The following LVRN variants were observed in gnomAD, a reference collection of about 807,000 sequenced individuals.
The protein encoded by LVRN is laeverin, also known as aminopeptidase Q.
A neutral mutation model predicts 111.4 loss-of-function variants in LVRN; 99 were observed. The observed-to-expected ratio is 0.89, with a 90% CI of 0.76 to 1.05. The LOEUF is 1.05. Among genes scored for constraint, LVRN ranks in the 50% least tolerant of loss-of-function variants. LVRN has a pLI of 0.00. For synonymous variants in LVRN, 488 were observed against 449.5 expected (o/e 1.09, Z -1.08); for missense variants, 1,414 against 1,206.8 (o/e 1.17, Z -2.54).
At chr5:115,990,643 C>T (rs557993515) in intron 4 of LVRN, among the ~76,000 whole-genome samples, 2 of 152,154 alleles carry the variant, frequency 1.3e-5, no homozygotes, top group African/African-American at 2.4e-5. Flanking sequence ...GCAATCCCCC[C>T]CTACTGACAC....
At position 115,981,971 on chromosome 5, in the gene LVRN, G is replaced by A. The variant is rs116679902; in HGVS notation, c.696-1316G>A. Among the ~76,000 whole-genome samples the A allele has an allele frequency of 2.0e-3, 298 of 152,232 alleles. 3 individuals carry two copies. The highest frequency in any genetic ancestry group is 7.0e-3 in the African/African-American group (293 of 41,562). On this transcript the variant is annotated intron_variant, in intron 1 of 19. Coordinates refer to ENST00000357872, the MANE Select transcript of LVRN (RefSeq NM_173800.5). The stretch of plus-strand genomic sequence containing the variant: ...TTATTTTCTAGGTGGGGAAACTGGG[G>A]CTTAACAAGATTGTGTGACTGTCCT...
chr5:116,014,304 T>C (rs1048443526), intron 15 of LVRN, 116 bp from the exon 16 acceptor site: 15 of 723,664 alleles, frequency 2.1e-5, no homozygotes, highest in Non-Finnish European at 1.8e-5. Flanking sequence ...AAACCTGATG[T>C]CATTGAAAGG....
chr5:115,985,529 T>A (rs1487153860), intron 3 of LVRN, among the ~76,000 whole-genome samples: 2 of 152,184 alleles, frequency 1.3e-5, no homozygotes, highest in African/African-American at 4.8e-5. Flanking sequence ...TGTTTCTACA[T>A]AATGAGTTAA....
At chr5:116,021,766 G>A in intron 18 of LVRN, 1 of 439,216 alleles carries the variant, frequency 2.3e-6, no homozygotes, top group Admixed American at 2.5e-5. Context: ...AGTGTCTGCT[G>A]TTTTTTCATA....
chr5:116,023,452 C>T (rs1415309875), intron 19 of LVRN: 1 of 152,110 alleles, frequency 6.6e-6, no homozygotes, highest in East Asian at 1.9e-4. Context: ...TTCAAGAGTT[C>T]CTGCCCCGAA....
intron 2 of LVRN, among the ~76,000 whole-genome samples, chr5:115,984,310 GC>G (rs1237394983): frequency 6.6e-6 from 1 of 152,100 alleles, no homozygotes; most frequent in Non-Finnish European, 1.5e-5. Flanking sequence ...CAGATTGGGG[GC>G]TAAGTTTATA....
intron 1 of LVRN, chr5:115,975,330 G>T: frequency 3.4e-6 from 1 of 293,596 alleles, no homozygotes; most frequent in Non-Finnish European, 6.5e-6. Context: ...CCAGTCTTTT[G>T]GGAGTTGCCA....
At position 115,962,716 on chromosome 5, in the gene LVRN, C is replaced by T; in HGVS notation, c.99C>T (p.Leu33=). 1.9e-6 allele frequency: 3 copies of T among 1,611,958 alleles called. No homozygotes were observed. Among genetic ancestry groups the T allele is most frequent in the South Asian group, 1.1e-5 (1 of 91,026 alleles). The stretch of plus-strand genomic sequence containing the variant: ...CCCTCCTGCTGGCGCTGGCCGTACT[C>T]GCCGCCTTGTACGGCCACTGCGAGC... ...VAALLLALAV[L]AALYGHCERV... is the part of the protein sequence containing the mutation. The change falls in exon 1 of 20, where the codon CTC becomes CTT. Residue 33 remains leucine (L), a synonymous_variant. Transcript: ENST00000357872.
chr5:115,968,998 A>G lies in LVRN; in HGVS notation c.695+5686A>G, dbSNP rs75478461. On this transcript the variant is annotated intron_variant, in intron 1 of 19. Coordinates refer to ENST00000357872, the MANE Select transcript of LVRN (RefSeq NM_173800.5). ...GCCCAGATGAGGGCCCCCATCCCCAATGGAAACCACTGAGCCTTGACTGTT... is the reference window on the plus strand; with the variant it reads ...GCCCAGATGAGGGCCCCCATCCCCAGTGGAAACCACTGAGCCTTGACTGTT... 4.8e-3 allele frequency among the ~76,000 whole-genome samples: 738 copies of G among 152,268 alleles called. 19 individuals are homozygous for G. In the East Asian group the frequency reaches 0.063, roughly 13 times the overall value.
chr5:115,968,009 A>G (rs917618617), intron 1 of LVRN, among the ~76,000 whole-genome samples: 3 of 152,198 alleles, frequency 2.0e-5, no homozygotes, highest in East Asian at 1.9e-4. Context: ...AATTGTCTAC[A>G]TAGATCATCA....
intron 12 of LVRN, among the ~76,000 whole-genome samples, chr5:116,005,515 A>G (rs868289235): frequency 6.6e-6 from 1 of 152,198 alleles, no homozygotes; most frequent in Middle Eastern, 3.2e-3. Flanking sequence ...ATAGCGCTAA[A>G]TAATATTTAT....
chr5:116,004,391 G>T (rs1748312654), intron 12 of LVRN, among the ~76,000 whole-genome samples: 4 of 152,126 alleles, frequency 2.6e-5, no homozygotes, highest in Admixed American at 2.6e-4. Context: ...TGAGCCCGTG[G>T]GTGGTTCATT....
intron 19 of LVRN, among the ~76,000 whole-genome samples, chr5:116,024,949 G>T (rs190768632): frequency 3.3e-5 from 5 of 152,106 alleles, no homozygotes; most frequent in Admixed American, 2.6e-4. Flanking sequence ...CTCTCCAAAG[G>T]CACAATTTTC....
chr5:115,992,678 T>C (rs1393340589), intron 5 of LVRN, among the ~76,000 whole-genome samples: 1 of 152,206 alleles, frequency 6.6e-6, no homozygotes, highest in Non-Finnish European at 1.5e-5. Flanking sequence ...CTAGTTGTTG[T>C]TGCTGTTGTT....
At position 115,978,002 on chromosome 5, in the gene LVRN, T is replaced by TG. The variant is rs1024470956; in HGVS notation, c.696-5279dup. Among the ~76,000 whole-genome samples, 10 of 152,310 alleles carry TG rather than the reference T, an allele frequency of 6.6e-5. No homozygotes were observed. The East Asian group carries it at 1.3e-3, about 21-fold the overall frequency. On this transcript the variant is annotated intron_variant, in intron 1 of 19. Transcript: ENST00000357872. ...ATAGTTGGTGAAAATTAGGATATTT[T>TG]GGGGGGCCAAATAAAGGTGAAAGCA...
chr5:115,997,284 C>G (rs1350935777), intron 6 of LVRN, among the ~76,000 whole-genome samples: 1 of 152,164 alleles, frequency 6.6e-6, no homozygotes, highest in East Asian at 1.9e-4. Flanking sequence ...TACACAGGCA[C>G]TTTAACTCCA....
intron 3 of LVRN, 67 bp from the exon 4 acceptor site, chr5:115,987,746 A>C: frequency 6.5e-7 from 1 of 1,537,482 alleles, no homozygotes; most frequent in Non-Finnish European, 8.8e-7. Flanking sequence ...GAATTGGAGC[A>C]AGCAGACTAC....
Position 115,990,258 on chromosome 5 carries a change from G to A in LVRN, c.1106-1865G>A, listed in dbSNP as rs1014953610. On this transcript the variant is annotated intron_variant, in intron 4 of 19. Coordinates refer to ENST00000357872, the MANE Select transcript of LVRN (RefSeq NM_173800.5). The stretch of plus-strand genomic sequence containing the variant: ...TATTGTGCCAATTGACACTTTCCCT[G>A]TAGGCTATATGCCAGATTTCCTATG... Among the ~76,000 whole-genome samples the A allele has an allele frequency of 4.6e-5, 7 of 152,056 alleles. No homozygotes were observed. The East Asian group carries it at 1.4e-3, about 29-fold the overall frequency.
chr5:115,988,026 A>G (rs1580384250), intron 4 of LVRN, 87 bp downstream of exon 4: 3 of 1,500,996 alleles, frequency 2.0e-6, no homozygotes, highest in Non-Finnish European at 2.7e-6. Context: ...ACAAACCCAT[A>G]AGGATTCACC....
Sources: gnomAD v4.1 joint callset for allele counts (sites outside exome capture counted in the v4.1 genomes callset) on GRCh38, gnomAD v4.1.1 for gene constraint, MANE v1.5 for transcripts, NCBI Gene and HGNC (gene_info 2026-07-23, HGNC 2026-07-21) for gene names.